Variants in TMOD1 observed in about 807,000 individuals in gnomAD.
TMOD1 encodes the protein tropomodulin 1, also known as tropomodulin-1.
A neutral mutation model predicts 40.6 loss-of-function variants in TMOD1; 17 were observed. That is an observed-to-expected ratio of 0.42 (90% CI 0.29 to 0.63). The LOEUF (loss-of-function observed/expected upper bound fraction) is 0.63, where lower values mean the gene tolerates loss of function less well. TMOD1 is among the 20% of genes least tolerant of loss of function. The pLI is 0.22. For missense variants in TMOD1, 391 were observed against 447.6 expected, an observed-to-expected ratio of 0.87 and a Z score of 1.14; for synonymous variants, 181 against 175.0, an observed-to-expected ratio of 1.03 and a Z score of -0.27.
chr9:97,590,621 G>A (rs1173093451), intron 8 of TMOD1, among the ~76,000 whole-genome samples: 3 of 144,664 alleles, frequency 2.1e-5, no homozygotes, highest in African/African-American at 7.6e-5. Context: ...GGGTCTTTCT[G>A]TTTTTTTTTT....
intron 5 of TMOD1, 46 bp from the exon 6 acceptor site, chr9:97,563,992 A>C: frequency 6.3e-7 from 1 of 1,587,036 alleles, no homozygotes; most frequent in East Asian, 2.3e-5. Flanking sequence ...GCAGAAAGTG[A>C]GCCCCTTGTT....
upstream of TMOD1, chr9:97,501,524 T>C (rs1169090442): frequency 2.0e-5 from 3 of 149,004 alleles, no homozygotes; most frequent in Non-Finnish European, 3.0e-5. Flanking sequence ...GGAAGTGCGC[T>C]GCGCCCGGGC....
At chr9:97,549,137 T>C (rs1467018398) in intron 3 of TMOD1, among the ~76,000 whole-genome samples, 1 of 152,224 alleles carries the variant, frequency 6.6e-6, no homozygotes, top group Non-Finnish European at 1.5e-5. Flanking sequence ...TCATTAGAAT[T>C]AGATTTGGCT....
chr9:97,592,959 A>C (rs916151130), intron 9 of TMOD1, among the ~76,000 whole-genome samples: 3 of 152,250 alleles, frequency 2.0e-5, no homozygotes, highest in Admixed American at 6.5e-5. Context: ...AATAAGAACA[A>C]ACACAAATAA....
At chr9:97,534,464 A>G (rs78030914) in intron 2 of TMOD1, among the ~76,000 whole-genome samples, 4 of 152,254 alleles carry the variant, frequency 2.6e-5, no homozygotes, top group African/African-American at 9.6e-5. Flanking sequence ...CATCCTAGAC[A>G]CTCCCCAACT....
intron 2 of TMOD1, among the ~76,000 whole-genome samples, chr9:97,540,847 C>T (rs1830266562): frequency 1.3e-5 from 2 of 152,154 alleles, no homozygotes; most frequent in Admixed American, 1.3e-4. Context: ...CGTGTACAAG[C>T]ATTTGGGTGG....
chr9:97,549,092 G>T (rs62560473), intron 3 of TMOD1, among the ~76,000 whole-genome samples: 4,278 of 152,298 alleles, frequency 0.028, 77 homozygotes, highest in Non-Finnish European at 0.042. Flanking sequence ...CATTCAAGTG[G>T]GAGAGACCAG....
intron 2 of TMOD1, among the ~76,000 whole-genome samples, chr9:97,524,658 C>A (rs958402353): frequency 6.6e-6 from 1 of 151,964 alleles, no homozygotes; most frequent in Admixed American, 6.6e-5. Context: ...TGGCACAGTT[C>A]CAATACAAAT....
At chr9:97,570,557 G>C (rs1006803192) in intron 8 of TMOD1, among the ~76,000 whole-genome samples, 1 of 151,678 alleles carries the variant, frequency 6.6e-6, no homozygotes, top group African/African-American at 2.4e-5. Context: ...GGTTACTACT[G>C]TCTTCTCCCA....
At chr9:97,554,421 G>T (rs967084748) in intron 4 of TMOD1, among the ~76,000 whole-genome samples, 3 of 152,082 alleles carry the variant, frequency 2.0e-5, no homozygotes, top group African/African-American at 7.2e-5. Flanking sequence ...CCCAAGTAGG[G>T]TCAGTTGTAT....
chr9:97,558,437 G>A (rs1830566133), intron 4 of TMOD1, among the ~76,000 whole-genome samples: 1 of 148,994 alleles, frequency 6.7e-6, no homozygotes, highest in African/African-American at 2.6e-5. Flanking sequence ...GATGCTGTTT[G>A]TTTGTTTGTT....
intron 2 of TMOD1, among the ~76,000 whole-genome samples, chr9:97,542,719 G>C (rs548191575): frequency 2.1e-4 from 32 of 152,212 alleles, no homozygotes; most frequent in African/African-American, 7.7e-4. Context: ...CGGGCATGGT[G>C]GTGGGCATCT....
At position 97,563,898 on chromosome 9, in the gene TMOD1, C is replaced by T. The variant is rs563113543; in HGVS notation, c.488-140C>T. The T allele has an allele frequency of 6.4e-5, 77 of 1,208,040 alleles. 2 individuals are homozygous for T. In the South Asian group the frequency reaches 7.6e-4, roughly 12 times the overall value. 74.8% of individuals were successfully genotyped at this position (1,208,040 alleles called of 1,614,324 possible). ...GCGGGGCTTCTTCTGAGTGGTGCCC[C>T]CTACCCCCACCCAGCCCCTGTGATG... On this transcript the variant is annotated intron_variant, in intron 5 of 9. Coordinates refer to ENST00000259365, the MANE Select transcript of TMOD1 (RefSeq NM_003275.4).
Position 97,599,713 on chromosome 9 carries a change from G to A in TMOD1, c.*15G>A. ...GTGGTGTCTAGTGTGTGGCGGTGGA[G>A]TCCATGCCTTTGAACTGGATGTGTT... On this transcript the variant is annotated 3_prime_UTR_variant, in exon 10 of 10. Coordinates refer to ENST00000259365, the MANE Select transcript of TMOD1 (RefSeq NM_003275.4). The A allele has an allele frequency of 6.2e-7, 1 of 1,614,172 alleles. No homozygotes were observed.
intron 8 of TMOD1, among the ~76,000 whole-genome samples, chr9:97,583,914 A>G (rs1825811624): frequency 6.6e-6 from 1 of 151,462 alleles, no homozygotes; most frequent in African/African-American, 2.4e-5. Flanking sequence ...TAGTCTTGCT[A>G]GCGGTCTATC....
At chr9:97,511,892 A>G (rs7044624) in intron 1 of TMOD1, among the ~76,000 whole-genome samples, 113,608 of 152,008 alleles carry the variant, frequency 0.75, 42,662 homozygotes, top group Middle Eastern at 0.81. Flanking sequence ...GCTGGCCCTC[A>G]GGCAGTTTTT....
chr9:97,581,162 A>G (rs1440074518), intron 8 of TMOD1, among the ~76,000 whole-genome samples: 35 of 103,500 alleles, frequency 3.4e-4, no homozygotes, highest in African/African-American at 1.3e-3. Context: ...ACCCCACAAC[A>G]GTCCCCAGAG....
chr9:97,509,150 G>A (rs1829651796), intron 1 of TMOD1, among the ~76,000 whole-genome samples: 1 of 152,258 alleles, frequency 6.6e-6, no homozygotes, highest in Non-Finnish European at 1.5e-5. Flanking sequence ...CTGAGACAGA[G>A]TAAATCTCTG....
chr9:97,524,345 C>A, intron 2 of TMOD1, 37 bp downstream of exon 2: 1 of 1,604,416 alleles, frequency 6.2e-7, no homozygotes, highest in Non-Finnish European at 8.5e-7. Context: ...TTGTCACTAG[C>A]GAGGGGACCT....
Sources: allele counts gnomAD v4.1 joint callset (sites outside exome capture counted in the v4.1 genomes callset), GRCh38; gene constraint gnomAD v4.1.1; transcripts MANE v1.5; gene names NCBI Gene and HGNC (gene_info 2026-07-23, HGNC 2026-07-21).